The following MROH7 variants were observed in gnomAD, a reference collection of about 807,000 sequenced individuals.
MROH7 encodes the protein maestro heat-like repeat-containing protein family member 7.
In MROH7, 113 loss-of-function variants were observed where a neutral mutation model predicts 129.2. The observed-to-expected ratio is 0.87, with a 90% CI of 0.75 to 1.02. The LOEUF is 1.02. MROH7 is among the 50% of genes least tolerant of loss of function. MROH7 has a pLI of 0.00. For synonymous variants in MROH7, 655 were observed against 667.9 expected (o/e 0.98, Z 0.30); for missense variants, 1,601 against 1,671.3 (o/e 0.96, Z 0.73).
At chr1:54,649,016 T>A (rs922929853) in intron 1 of MROH7, among the ~76,000 whole-genome samples, 1 of 152,198 alleles carries the variant, frequency 6.6e-6, no homozygotes, top group Non-Finnish European at 1.5e-5. Context: ...CTGTTTTGGA[T>A]GCTCTGGGTC....
intron 14 of MROH7, 114 bp downstream of exon 14, chr1:54,682,908 G>T (rs1320531672): frequency 1.6e-6 from 2 of 1,221,026 alleles, no homozygotes; most frequent in Non-Finnish European, 2.2e-6. Flanking sequence ...CCAGTAACTA[G>T]TTGTGTGGTC....
At chr1:54,682,959 T>C (rs1406738447) in intron 14 of MROH7, among the ~76,000 whole-genome samples, 165 bp downstream of exon 14, 1 of 152,214 alleles carries the variant, frequency 6.6e-6, no homozygotes, top group African/African-American at 2.4e-5. Flanking sequence ...TGTGGTTCAC[T>C]GGACAATAAC....
chr1:54,668,220 A>T (rs190979016), intron 4 of MROH7, among the ~76,000 whole-genome samples: 1 of 152,312 alleles, frequency 6.6e-6, no homozygotes, highest in East Asian at 1.9e-4. Context: ...CTTCTACATT[A>T]TTCTGCTGTT....
At chr1:54,709,888 G>T (rs1645595606) in intron 23 of MROH7, 58 bp from the exon 24 acceptor site, 8 of 1,576,734 alleles carry the variant, frequency 5.1e-6, no homozygotes, top group African/African-American at 4.0e-5. Context: ...GATTAGGTAT[G>T]AGACCCACAT....
intron 17 of MROH7, 146 bp from the exon 18 acceptor site, chr1:54,700,175 G>C: frequency 9.8e-7 from 1 of 1,021,266 alleles, no homozygotes; most frequent in South Asian, 1.4e-5. Flanking sequence ...ATCAGACGGA[G>C]ACTTCCAGCA....
chr1:54,656,252 C>T (rs905015016), intron 3 of MROH7, among the ~76,000 whole-genome samples: 2 of 151,376 alleles, frequency 1.3e-5, no homozygotes, highest in Non-Finnish European at 2.9e-5. Flanking sequence ...TGGCTCACGC[C>T]TGTAATCCCA....
chr1:54,690,438 GTTTTTTTTTTTTTCCTTTTT>G (rs1645215399), intron 15 of MROH7, among the ~76,000 whole-genome samples: 1 of 144,210 alleles, frequency 6.9e-6, no homozygotes, highest in African/African-American at 2.6e-5. Flanking sequence ...AAGTTCAGAA[GTTTTTTTTTTTTTCCTTTTT>G]TTTTTTAGAC....
In MROH7 at chr1:54,699,142, C is replaced by CT. The variant is rs1244663576; in HGVS notation, c.2965-1176dup. The CT allele has an allele frequency of 3.3e-3, 296 of 90,674 alleles. 3 individuals carry two copies. The highest frequency in any genetic ancestry group is 6.3e-3 in the Admixed American group (56 of 8,874). 5.6% of individuals were successfully genotyped at this position (90,674 alleles called of 1,614,324 possible). On this transcript the variant is annotated intron_variant, in intron 17 of 23. Transcript: ENST00000421030. Reference sequence around the variant, plus strand: ...TCTTTCTTTCTTTCTTTCTTTCTTTCTTTCTTTCTTTCTTTCTTTTCTTTC... The same window carrying CT: ...TCTTTCTTTCTTTCTTTCTTTCTTTCTTTTCTTTCTTTCTTTCTTTTCTTTC...
At position 54,692,555 on chromosome 1, in the gene MROH7, T is replaced by A. The variant is rs1645256684; in HGVS notation, c.2843T>A (p.Leu948Gln). 6.4e-7 allele frequency: 1 copy of A among 1,571,454 alleles called. No individual in the cohort carries two copies. Among genetic ancestry groups the A allele is most frequent in the Non-Finnish European group, 8.7e-7 (1 of 1,154,800 alleles). ...VESHHRGVAL[L>Q]ARAMVQYSCQ... Reference sequence around the variant, plus strand: ...AGCCACCACCGCGGAGTGGCCTTGCTGGCAAGGTGAGTCCCGGGACCACCT... The same window carrying A: ...AGCCACCACCGCGGAGTGGCCTTGCAGGCAAGGTGAGTCCCGGGACCACCT... Residue 948 changes from leucine (L) to glutamine (Q), a missense_variant, in exon 16 of 24, where the codon CTG (leucine) becomes CAG (glutamine). By Grantham distance (113) the Leu-to-Gln change is moderately radical. Transcript: ENST00000421030.
At chr1:54,657,505 A>T (rs1437887535) in intron 3 of MROH7, among the ~76,000 whole-genome samples, 1 of 151,910 alleles carries the variant, frequency 6.6e-6, no homozygotes, top group Non-Finnish European at 1.5e-5. Context: ...CAGCCTCCCA[A>T]ATAGCTACGA....
chr1:54,697,470 G>C, intron 17 of MROH7: 1 of 523,156 alleles, frequency 1.9e-6, no homozygotes, highest in Non-Finnish European at 3.4e-6. Context: ...CCTCCAGGGA[G>C]AGCAAACCTG....
At chr1:54,709,247 TCTCA>T (rs1645585743) in intron 23 of MROH7, among the ~76,000 whole-genome samples, 171 bp downstream of exon 23, 1 of 152,024 alleles carries the variant, frequency 6.6e-6, no homozygotes, top group Non-Finnish European at 1.5e-5. Context: ...TGAGATGGAG[TCTCA>T]CTCTATCGCC....
intron 5 of MROH7, 63 bp from the exon 6 acceptor site, chr1:54,670,434 C>A: frequency 1.4e-6 from 2 of 1,465,264 alleles, no homozygotes; most frequent in Non-Finnish European, 9.5e-7. Flanking sequence ...ACGGGGGCAG[C>A]CTTGGCCCTG....
intron 11 of MROH7, 76 bp from the exon 12 acceptor site, chr1:54,679,187 C>T: frequency 6.8e-7 from 1 of 1,466,292 alleles, no homozygotes; most frequent in Non-Finnish European, 9.6e-7. Flanking sequence ...AGTGTTTGTG[C>T]CTCTGTGCAC....
At chr1:54,700,271 G>C (rs1645412057) in intron 17 of MROH7, 50 bp from the exon 18 acceptor site, 1 of 1,612,514 alleles carries the variant, frequency 6.2e-7, no homozygotes, top group Non-Finnish European at 8.5e-7. Context: ...AGGCCAGGGG[G>C]CTGCCCTGCC....
chr1:54,648,084 A>T (rs894837513), intron 1 of MROH7, among the ~76,000 whole-genome samples: 10 of 151,916 alleles, frequency 6.6e-5, no homozygotes, highest in African/African-American at 2.4e-4. Flanking sequence ...GAGTCTTATT[A>T]TGTTGCCCAG....
intron 10 of MROH7, among the ~76,000 whole-genome samples, chr1:54,675,266 A>G (rs1004139613): frequency 2.0e-5 from 3 of 152,160 alleles, no homozygotes; most frequent in Non-Finnish European, 2.9e-5. Context: ...AGGAGCCACC[A>G]TGCCTAGCCT....
intron 21 of MROH7, among the ~76,000 whole-genome samples, 189 bp from the exon 22 acceptor site, chr1:54,706,246 A>G (rs1421651351): frequency 1.3e-5 from 2 of 152,114 alleles, no homozygotes; most frequent in East Asian, 3.9e-4. Flanking sequence ...CAAGGCAGGA[A>G]CATCATCGAA....
chr1:54,661,785 G>A (rs1014181121), intron 3 of MROH7, among the ~76,000 whole-genome samples: 8 of 152,064 alleles, frequency 5.3e-5, no homozygotes, highest in South Asian at 2.1e-4. Context: ...TAGTAGAGAC[G>A]GAGTTTCGCC....
Sources: allele counts gnomAD v4.1 joint callset (sites outside exome capture counted in the v4.1 genomes callset), GRCh38; gene constraint gnomAD v4.1.1; transcripts MANE v1.5; gene names NCBI Gene and HGNC (gene_info 2026-07-23, HGNC 2026-07-21).